INHBA: variants seen among roughly 807,000 people sequenced by gnomAD.
The protein encoded by INHBA is inhibin beta A chain.
In INHBA, 1 loss-of-function variant was observed where a neutral mutation model predicts 29.0. That is an observed-to-expected ratio of 0.03 (90% CI 0.01 to 0.16). The LOEUF is 0.16. INHBA is among the 10% of genes least tolerant of loss of function. The pLI, the probability that INHBA is intolerant of heterozygous loss-of-function variation, is 1.00. For missense variants in INHBA, 376 were observed against 545.4 expected (o/e 0.69, Z 3.09); for synonymous variants, 242 against 216.8 (o/e 1.12, Z -1.02).
upstream of INHBA, among the ~76,000 whole-genome samples, chr7:41,704,793 G>A (rs1023407301): frequency 3.9e-5 from 6 of 152,058 alleles, no homozygotes; most frequent in Non-Finnish European, 7.4e-5. Context: ...ACCTGTGGGG[G>A]TCAAGTGCAG....
rs1210950403 is a variant in INHBA at position 41,685,118 on chromosome 7, T to A, written c.*4532A>T. 1.3e-5 allele frequency: 2 copies of A among 151,974 alleles called. No individual in the cohort carries two copies. Among genetic ancestry groups the A allele is most frequent in the Non-Finnish European group, 2.9e-5 (2 of 67,940 alleles). The allele number at this position is 151,974 out of a possible 1,614,324, so 9.4% of individuals were successfully genotyped here. Reference sequence around the variant, plus strand: ...AATAAAAATAAAAATAAAAAATACATCCCAAACAGGTCTTTTTATTTAACA... The same window carrying A: ...AATAAAAATAAAAATAAAAAATACAACCCAAACAGGTCTTTTTATTTAACA... On this transcript the variant is annotated 3_prime_UTR_variant, in exon 3 of 3. Coordinates refer to ENST00000242208, the MANE Select transcript of INHBA (RefSeq NM_002192.4).
chr7:41,699,704 A>G (rs1335108815), intron 2 of INHBA, among the ~76,000 whole-genome samples: 8 of 151,906 alleles, frequency 5.3e-5, no homozygotes, highest in African/African-American at 1.9e-4. Context: ...CCAGCTCAAC[A>G]TTGGCCCCGA....
At chr7:41,695,427 C>A (rs1023429437) in intron 2 of INHBA, among the ~76,000 whole-genome samples, 1 of 152,184 alleles carries the variant, frequency 6.6e-6, no homozygotes, top group African/African-American at 2.4e-5. Context: ...AGGGTGCATT[C>A]TCTGAAGCCC....
At chr7:41,693,089 G>T (rs1404894978) in intron 2 of INHBA, among the ~76,000 whole-genome samples, 1 of 152,194 alleles carries the variant, frequency 6.6e-6, no homozygotes, top group East Asian at 1.9e-4. Context: ...CTCTATGCAG[G>T]ACAGCTTCTG....
rs746207062 is a variant in INHBA at position 41,690,067 on chromosome 7, C to A, written c.864G>T (p.Ser288=). ...CCTGCAGCATGAGGAAAGGTCTGTG[C>A]GACTGCTCCTTTTCCTCATCTGCTC... ...GAGADEEKEQ[S]HRPFLMLQAR... is the part of the protein sequence containing the mutation. The change falls in exon 3 of 3, where the codon TCG becomes TCT. Residue 288 remains serine, a synonymous_variant. Coordinates refer to ENST00000242208, the MANE Select transcript of INHBA (RefSeq NM_002192.4). 1.2e-6 allele frequency: 2 copies of A among 1,613,894 alleles called. No individual in the cohort carries two copies. The highest frequency in any genetic ancestry group is 1.7e-6 in the Non-Finnish European group (2 of 1,179,972).
chr7:41,689,477 A>T lies in INHBA; in HGVS notation c.*173T>A. 1.7e-6 allele frequency: 1 copy of T among 586,182 alleles called. No homozygotes were observed. Among genetic ancestry groups the T allele is most frequent in the Non-Finnish European group, 2.7e-6 (1 of 367,438 alleles). The allele number at this position is 586,182 out of a possible 1,614,324, so 36.3% of individuals were successfully genotyped here. A position where few individuals can be genotyped will look rare whatever the true frequency, so the allele number is the denominator to read the frequency against. ...AAGGATTTTTTCCACATCTTCCTTCATCTGTTTCATCAGGTTTTGTTTTTA... is the reference window on the plus strand; with the variant it reads ...AAGGATTTTTTCCACATCTTCCTTCTTCTGTTTCATCAGGTTTTGTTTTTA... On this transcript the variant is annotated 3_prime_UTR_variant, in exon 3 of 3. Coordinates refer to ENST00000242208, the MANE Select transcript of INHBA (RefSeq NM_002192.4).
rs1794453355 is a variant in INHBA at position 41,689,526 on chromosome 7, T to A, written c.*124A>T. 1 of 814,090 alleles carries A rather than the reference T, an allele frequency of 1.2e-6. No individual in the cohort carries two copies. Among genetic ancestry groups the A allele is most frequent in the Non-Finnish European group, 1.7e-6 (1 of 584,698 alleles). 50.4% of individuals were successfully genotyped at this position (814,090 alleles called of 1,614,324 possible). A position where few individuals can be genotyped will look rare whatever the true frequency, so the allele number is the denominator to read the frequency against. The stretch of plus-strand genomic sequence containing the variant: ...TAATTTACTTTTGTTTTTTTTTGTT[T>A]TTTTTTTTGTTTTGTTTTTAATTTC... On this transcript the variant is annotated 3_prime_UTR_variant, in exon 3 of 3. Coordinates refer to ENST00000242208, the MANE Select transcript of INHBA (RefSeq NM_002192.4).
chr7:41,688,175 A>G lies in INHBA; in HGVS notation c.*1475T>C, dbSNP rs1205534689. 1 of 152,242 alleles carries G rather than the reference A, an allele frequency of 6.6e-6. No homozygotes were observed. The highest frequency in any genetic ancestry group is 2.4e-5 in the African/African-American group (1 of 41,468). 9.4% of individuals were successfully genotyped at this position (152,242 alleles called of 1,614,324 possible). A position where few individuals can be genotyped will look rare whatever the true frequency, so the allele number is the denominator to read the frequency against. ...AGAACATTAAAAAATGACAGCCTGA[A>G]GTGCTTAAAATGTGTATGGACATGG... is the stretch of plus-strand genomic sequence containing the variant. On this transcript the variant is annotated 3_prime_UTR_variant, in exon 3 of 3. Transcript: ENST00000242208.
chr7:41,698,733 C>T (rs762019137), intron 2 of INHBA, among the ~76,000 whole-genome samples: 4 of 152,152 alleles, frequency 2.6e-5, no homozygotes, highest in African/African-American at 9.7e-5. Context: ...GCTATCTGCA[C>T]CCCCGGAAAG....
Position 41,686,028 on chromosome 7 carries a change from T to C in INHBA, c.*3622A>G, listed in dbSNP as rs191551061. 2 of 152,202 alleles carry C rather than the reference T, an allele frequency of 1.3e-5. No individual in the cohort carries two copies. The highest frequency in any genetic ancestry group is 1.3e-4 in the Admixed American group (2 of 15,294). The allele number at this position is 152,202 out of a possible 1,614,324, so 9.4% of individuals were successfully genotyped here. A position where few individuals can be genotyped will look rare whatever the true frequency, so the allele number is the denominator to read the frequency against. On this transcript the variant is annotated 3_prime_UTR_variant, in exon 3 of 3. Transcript: ENST00000242208. ...ACAACTGAGACATATTTGTTCTCTG[T>C]TTTTTTAGAGTCACCTCTTAAAGTC...
chr7:41,703,290 T>A (rs1794836550), upstream of INHBA, among the ~76,000 whole-genome samples: 1 of 152,214 alleles, frequency 6.6e-6, no homozygotes, highest in Non-Finnish European at 1.5e-5. Context: ...GGTGATGCAC[T>A]GAGCCAGTGA....
rs766987359 is a variant in INHBA, at chr7:41,690,386, G to T, written c.545C>A (p.Pro182Gln). 1.2e-6 allele frequency: 2 copies of T among 1,613,936 alleles called. No homozygotes were observed. The highest frequency in any genetic ancestry group is 3.3e-5 in the Admixed American group (2 of 59,998). ...TTCCCCTGTGTCCAAGCTGCCCTGC[G>T]GGTGCTTCTGCTGCTGGAAGAGGCG... is the stretch of plus-strand genomic sequence containing the variant. ...TIRLFQQQKHPQGSLDTGEEA... is the reference protein window; with the variant it reads ...TIRLFQQQKHQQGSLDTGEEA... The change falls in exon 3 of 3, where the codon CCG becomes CAG. Residue 182 changes from proline to glutamine, a missense_variant. Physicochemically the swap from Pro to Gln is moderately conservative, Grantham distance 76. This residue lies in a region of INHBA where 253 missense variants were observed against 313.4 expected (regional missense o/e 0.81). Transcript: ENST00000242208.
Position 41,701,350 on chromosome 7 carries a change from G to A in INHBA, c.-143-833C>T, listed in dbSNP as rs545734855. 1.6e-4 allele frequency among the ~76,000 whole-genome samples: 24 copies of A among 152,240 alleles called. No homozygotes were observed. The South Asian group carries it at 4.1e-3, about 26-fold the overall frequency. On this transcript the variant is annotated intron_variant, in intron 1 of 2. Coordinates refer to ENST00000242208, the MANE Select transcript of INHBA (RefSeq NM_002192.4). ...GAAGAGGGACTCAGGGGTAACAGAG[G>A]ATTGTTCTGGCCTGATGGGATCCAG...
intron 2 of INHBA, among the ~76,000 whole-genome samples, chr7:41,698,881 A>G (rs764651738): frequency 1.3e-5 from 2 of 152,250 alleles, no homozygotes; most frequent in African/African-American, 2.4e-5. Flanking sequence ...GAGTCCCTGC[A>G]CATACTTTAC....
rs964352046 is a variant in INHBA, at chr7:41,687,627, T to A, written c.*2023A>T. ...GAATTTTGGCTGTAAATTAAAATTT[T>A]AGAGATTTTTACTACTGCCCTCACC... On this transcript the variant is annotated 3_prime_UTR_variant, in exon 3 of 3. Transcript: ENST00000242208. 1.3e-5 allele frequency: 2 copies of A among 152,182 alleles called. No individual in the cohort carries two copies. Among genetic ancestry groups the A allele is most frequent in the African/African-American group, 4.8e-5 (2 of 41,456 alleles). The allele number at this position is 152,182 out of a possible 1,614,324, so 9.4% of individuals were successfully genotyped here. A position where few individuals can be genotyped will look rare whatever the true frequency, so the allele number is the denominator to read the frequency against.
At chr7:41,694,108 T>C (rs1467054420) in intron 2 of INHBA, 1 of 152,190 alleles carries the variant, frequency 6.6e-6, no homozygotes, top group Non-Finnish European at 1.5e-5. Flanking sequence ...ACAAGTTCTA[T>C]TGTATTCTGA....
At chr7:41,704,671 T>C (rs930044932), upstream of INHBA, among the ~76,000 whole-genome samples, 1 of 96,896 alleles carries the variant, frequency 1.0e-5, no homozygotes, top group Non-Finnish European at 2.2e-5. Context: ...TGACGTGGGG[T>C]GGGGGTGGGG....
At chr7:41,697,137 A>T (rs919698908) in intron 2 of INHBA, among the ~76,000 whole-genome samples, 4 of 152,188 alleles carry the variant, frequency 2.6e-5, no homozygotes, top group African/African-American at 9.7e-5. Context: ...CATGACATTT[A>T]TAGTGATAGC....
intron 2 of INHBA, among the ~76,000 whole-genome samples, chr7:41,696,543 G>T (rs1443022259): frequency 6.6e-6 from 1 of 152,196 alleles, no homozygotes; most frequent in African/African-American, 2.4e-5. Context: ...GGGCGCTACA[G>T]ACAGGGGCTT....
Sources: gnomAD v4.1 joint callset for allele counts (sites outside exome capture counted in the v4.1 genomes callset) on GRCh38, gnomAD v4.1.1 for gene constraint, gnomAD v4.1.1 regional missense constraint, MANE v1.5 for transcripts, NCBI Gene and HGNC (gene_info 2026-07-23, HGNC 2026-07-21) for gene names.